Variants in MOV10L1 observed in about 807,000 individuals in gnomAD.
The protein encoded by MOV10L1 is RNA helicase Mov10l1.
In MOV10L1, 110 loss-of-function variants were observed where a neutral mutation model predicts 143.8. That is an observed-to-expected ratio of 0.76 (90% CI 0.66 to 0.90). The LOEUF (loss-of-function observed/expected upper bound fraction) is 0.90. MOV10L1 is among the 40% of genes least tolerant of loss of function. The pLI is 0.00. For synonymous variants in MOV10L1, 593 were observed against 581.1 expected, an observed-to-expected ratio of 1.02 and a Z score of -0.29; for missense variants, 1,406 against 1,526.8, an observed-to-expected ratio of 0.92 and a Z score of 1.32.
At chr22:50,105,485 A>C (rs1013487735) in intron 3 of MOV10L1, among the ~76,000 whole-genome samples, 3 of 151,906 alleles carry the variant, frequency 2.0e-5, no homozygotes, top group Non-Finnish European at 4.4e-5. Context: ...TCATCTGTGG[A>C]CTCCATTTGG....
chr22:50,152,294 G>A lies in MOV10L1; in HGVS notation c.2893-751G>A, dbSNP rs898282764. Among the ~76,000 whole-genome samples, 9 of 152,186 alleles carry A rather than the reference G, an allele frequency of 5.9e-5. No homozygotes were observed. Among genetic ancestry groups the A allele is most frequent in the African/African-American group, 1.2e-4 (5 of 41,432 alleles). On this transcript the variant is annotated intron_variant, in intron 21 of 26. Transcript: ENST00000262794. The surrounding 1 kb of genome is among the most constrained non-coding windows in gnomAD (Gnocchi z 4.4). ...GGGTGCAGCATTGCATAGAGAGGAC[G>A]GCTCCCCGCGGCACAGACGCAGCGA...
At chr22:50,138,557 CAAA>C (rs985497095) in intron 15 of MOV10L1, among the ~76,000 whole-genome samples, 1 of 118,406 alleles carries the variant, frequency 8.4e-6, no homozygotes. Context: ...AACCCTGTCT[CAAA>C]AAAAAAAAAT....
intron 5 of MOV10L1, among the ~76,000 whole-genome samples, chr22:50,111,486 CTTTTTT>C (rs529438045): frequency 3.4e-5 from 2 of 59,156 alleles, no homozygotes; most frequent in African/African-American, 7.5e-5. Context: ...TCTGTCTTTG[CTTTTTT>C]TTTTTTTTTT....
intron 5 of MOV10L1, among the ~76,000 whole-genome samples, chr22:50,111,950 C>T (rs1221512014): frequency 6.6e-6 from 1 of 152,186 alleles, no homozygotes; most frequent in African/African-American, 2.4e-5. Context: ...TATCTGGTGC[C>T]TGGCTGGGCC....
intron 19 of MOV10L1, among the ~76,000 whole-genome samples, chr22:50,146,379 A>G (rs1006883597): frequency 1.3e-5 from 2 of 151,924 alleles, no homozygotes; most frequent in African/African-American, 4.8e-5. Flanking sequence ...GCCGGCTGTC[A>G]TAGGAGGACC....
chr22:50,128,381 C>T (rs763337080), intron 12 of MOV10L1, 35 bp from the exon 13 acceptor site: 52 of 1,159,652 alleles, frequency 4.5e-5, no homozygotes, highest in Non-Finnish European at 6.3e-5. Context: ...CACATTATTT[C>T]AAGAAATCAG....
chr22:50,119,411 A>T (rs138230), intron 9 of MOV10L1, among the ~76,000 whole-genome samples: 2 of 151,974 alleles, frequency 1.3e-5, no homozygotes, highest in Admixed American at 6.6e-5. Flanking sequence ...CCCCAGTGCC[A>T]GGCAACTTTG....
At chr22:50,114,659 G>A (rs768947311) in intron 7 of MOV10L1, 37 bp downstream of exon 7, 2 of 1,607,340 alleles carry the variant, frequency 1.2e-6, no homozygotes, top group Non-Finnish European at 1.7e-6. Context: ...GTGAGGTCGG[G>A]TGGGCTGGGG....
rs372279333 is a variant in MOV10L1, at chr22:50,129,082, A to T, written c.1910+575A>T. ...TGGTTGACGTGTATAGGCCTTGTGG[A>T]TGGAAGTGGGCTCCTACAGCATTTT... On this transcript the variant is annotated intron_variant, in intron 13 of 26. Transcript: ENST00000262794. Among the ~76,000 whole-genome samples, 20 of 152,250 alleles carry T rather than the reference A, an allele frequency of 1.3e-4. No individual in the cohort carries two copies. The East Asian group carries it at 3.7e-3, about 28-fold the overall frequency.
At chr22:50,155,452 T>C (rs2063402132) in intron 22 of MOV10L1, among the ~76,000 whole-genome samples, 2 of 151,956 alleles carry the variant, frequency 1.3e-5, no homozygotes, top group Admixed American at 1.3e-4. Context: ...CTGCTTTATC[T>C]GGTGGTGACT....
At chr22:50,131,282 C>T (rs551162344) in intron 13 of MOV10L1, among the ~76,000 whole-genome samples, 1 of 152,146 alleles carries the variant, frequency 6.6e-6, no homozygotes, top group African/African-American at 2.4e-5. Flanking sequence ...AGTCTTTGGG[C>T]CCATTTTAAA....
chr22:50,099,727 C>T (rs767566335), intron 3 of MOV10L1, 125 bp downstream of exon 3: 131 of 1,173,670 alleles, frequency 1.1e-4, no homozygotes, highest in Non-Finnish European at 1.5e-4. Flanking sequence ...ACAGGAGGAT[C>T]GCTTGAGCCC....
At position 50,133,996 on chromosome 22, in the gene MOV10L1, C is replaced by T. The variant is rs768773660; in HGVS notation, c.1911-11C>T. The T allele has an allele frequency of 6.2e-7, 1 of 1,607,348 alleles. No individual in the cohort carries two copies. The highest frequency in any genetic ancestry group is 1.7e-5 in the Admixed American group (1 of 57,594). On this transcript the variant is annotated splice_polypyrimidine_tract_variant and intron_variant, in intron 13 of 26. Transcript: ENST00000262794. ...AAGGTTAGTTATTTTATGTGGTTTT[C>T]TTTCCTGCAGGACCACAAGCAGACG...
rs935656266 is a variant in MOV10L1, at chr22:50,149,781, G to C, written c.2727+67G>C. 4.2e-6 allele frequency: 6 copies of C among 1,420,940 alleles called. No individual in the cohort carries two copies. In the African/African-American group the frequency reaches 5.6e-5, roughly 13 times the overall value. The allele number at this position is 1,420,940 out of a possible 1,614,324, so 88.0% of individuals were successfully genotyped here. The stretch of plus-strand genomic sequence containing the variant: ...GTTCTCCTGAGGGGATGCAGGCTGC[G>C]ATCCTGCCGGGAACAGTCACAGCTG... On this transcript the variant is annotated intron_variant, in intron 20 of 26. Coordinates refer to ENST00000262794, the MANE Select transcript of MOV10L1 (RefSeq NM_018995.3).
chr22:50,154,588 A>G (rs959930299), intron 22 of MOV10L1, among the ~76,000 whole-genome samples: 8 of 152,016 alleles, frequency 5.3e-5, no homozygotes, highest in African/African-American at 1.9e-4. Context: ...ATAAATAAAT[A>G]TAAATAAATG....
intron 22 of MOV10L1, among the ~76,000 whole-genome samples, chr22:50,155,445 C>T (rs79497795): frequency 6.6e-6 from 1 of 151,520 alleles, no homozygotes; most frequent in Non-Finnish European, 1.5e-5. Flanking sequence ...ATTTTTACTG[C>T]TTTATCTGGT....
At chr22:50,129,454 A>G (rs6010181) in intron 13 of MOV10L1, among the ~76,000 whole-genome samples, 28 of 152,284 alleles carry the variant, frequency 1.8e-4, no homozygotes, top group African/African-American at 6.5e-4. Context: ...TGTTCCTGAG[A>G]TGTCTCCGTG....
Position 50,117,274 on chromosome 22 carries a change from A to G in MOV10L1, c.1377A>G (p.Pro459=). 1 of 1,614,092 alleles carries G rather than the reference A, an allele frequency of 6.2e-7. No individual in the cohort carries two copies. Among genetic ancestry groups the G allele is most frequent in the Non-Finnish European group, 8.5e-7 (1 of 1,180,022 alleles). The part of the protein sequence containing the change: ...GEESLIAARE[P]FSWKKLKSSQ... ...AGTCACTAATTGCTGCGCGCGAACC[A>G]TTTTCTTGGAAAAAGCTTAAAAGTT... is the stretch of plus-strand genomic sequence containing the variant. The change falls in exon 9 of 27, where the codon CCA becomes CCG. Residue 459 remains proline (P), a synonymous_variant. Transcript: ENST00000262794.
chr22:50,104,283 A>G (rs1402440838), intron 3 of MOV10L1, among the ~76,000 whole-genome samples: 1 of 152,224 alleles, frequency 6.6e-6, no homozygotes, highest in African/African-American at 2.4e-5. Context: ...GGTTTCTAAC[A>G]GGCCACAGTC....
Sources: allele counts gnomAD v4.1 joint callset (sites outside exome capture counted in the v4.1 genomes callset), GRCh38; gene constraint gnomAD v4.1.1; non-coding constraint Gnocchi (gnomAD v3.1); transcripts MANE v1.5; gene names NCBI Gene and HGNC (gene_info 2026-07-23, HGNC 2026-07-21).